The following ZNF423 variants were observed in gnomAD, a reference collection of about 807,000 sequenced individuals.
The protein encoded by ZNF423 is Ebf-associated zinc finger protein.
ZNF423 carries 12 observed loss-of-function variants against 95.8 expected under a neutral mutation model. The observed-to-expected ratio is 0.13, with a 90% confidence interval of 0.08 to 0.20. ZNF423 has a LOEUF of 0.20. Ranked by LOEUF, ZNF423 falls within the 10% of genes least tolerant of loss-of-function variation. ZNF423 has a pLI of 1.00. For missense variants in ZNF423, 1,316 were observed against 1,737.1 expected, an observed-to-expected ratio of 0.76 and a Z score of 4.31; for synonymous variants, 749 against 711.9, an observed-to-expected ratio of 1.05 and a Z score of -0.83.
At chr16:49,532,475 G>A (rs1968883871) in intron 5 of ZNF423, among the ~76,000 whole-genome samples, 1 of 152,200 alleles carries the variant, frequency 6.6e-6, no homozygotes, top group African/African-American at 2.4e-5. Context: ...ATTCTGCCCA[G>A]AAGGGACCCA....
intron 5 of ZNF423, among the ~76,000 whole-genome samples, chr16:49,540,032 A>G (rs1969194337): frequency 6.6e-6 from 1 of 152,158 alleles, no homozygotes; most frequent in Non-Finnish European, 1.5e-5. Flanking sequence ...AGGACCAGTG[A>G]GAGGGGCCAA....
intron 1 of ZNF423, among the ~76,000 whole-genome samples, chr16:49,838,712 G>C (rs565149261): frequency 1.3e-5 from 2 of 151,890 alleles, no homozygotes; most frequent in African/African-American, 2.4e-5. Flanking sequence ...CGGGCGGCCG[G>C]GGGGCGGCCC....
chr16:49,638,282 G>A lies in ZNF423; in HGVS notation c.894C>T (p.Ser298=), dbSNP rs537739203. Residue 298 remains serine (S), a synonymous_variant, in exon 4 of 8, where the codon TCC becomes TCT. Coordinates refer to ENST00000563137, the MANE Select transcript of ZNF423 (RefSeq NM_001379286.1). This position sits in a 1 kb window ranked among gnomAD's most constrained non-coding sequence, Gnocchi z 5.6. ...KHVLTRHPQL[S]EKADLQCIHC... The stretch of plus-strand genomic sequence containing the variant: ...GAATGCACTGCAGGTCCGCCTTCTC[G>A]GACAGCTGCGGGTGGCGGGTGAGCA... 5.0e-6 allele frequency: 8 copies of A among 1,613,484 alleles called. No individual in the cohort carries two copies. The highest frequency in any genetic ancestry group is 6.8e-6 in the Non-Finnish European group (8 of 1,180,040).
intron 5 of ZNF423, among the ~76,000 whole-genome samples, chr16:49,560,659 A>G (rs1969985194): frequency 6.6e-6 from 1 of 152,196 alleles, no homozygotes; most frequent in Non-Finnish European, 1.5e-5. Context: ...CCATCCAGGG[A>G]CCTTATGAAA....
chr16:49,808,342 G>A (rs2034698126), intron 1 of ZNF423, among the ~76,000 whole-genome samples: 3 of 152,184 alleles, frequency 2.0e-5, no homozygotes, highest in Admixed American at 2.0e-4. Context: ...GATTACAGAT[G>A]TGAGCCATTA....
chr16:49,775,516 C>A (rs34859239), intron 2 of ZNF423, among the ~76,000 whole-genome samples: 25,665 of 152,146 alleles, frequency 0.17, 2,232 homozygotes, highest in South Asian at 0.26. Flanking sequence ...TGCCAGGCAC[C>A]ATGCTGGACA....
At chr16:49,528,950 G>A (rs984379186) in intron 5 of ZNF423, among the ~76,000 whole-genome samples, 8 of 151,988 alleles carry the variant, frequency 5.3e-5, no homozygotes, top group Non-Finnish European at 7.4e-5. Context: ...AGGGTCCGCC[G>A]ATAGTGGCAC....
intron 2 of ZNF423, among the ~76,000 whole-genome samples, chr16:49,771,744 T>A (rs907776785): frequency 1.3e-5 from 2 of 152,200 alleles, no homozygotes; most frequent in East Asian, 1.9e-4. Context: ...TTATGAGGCC[T>A]CCCAGCCATG....
At chr16:49,717,101 C>A (rs2032730428) in intron 3 of ZNF423, among the ~76,000 whole-genome samples, 1 of 152,280 alleles carries the variant, frequency 6.6e-6, no homozygotes, top group Middle Eastern at 3.4e-3. Context: ...CAAAACATCA[C>A]TCCTTACACA....
chr16:49,523,598 G>T (rs562476353), intron 7 of ZNF423, 26 bp downstream of exon 7: 1 of 1,590,552 alleles, frequency 6.3e-7, no homozygotes, highest in Non-Finnish European at 8.6e-7. Flanking sequence ...ATCAGGCGGC[G>T]TGGTGCAGCG....
rs1367868321 is a variant in ZNF423 at position 49,769,247 on chromosome 16, C to T, written c.100+20240G>A. ...GTGGGCACCTGTAATCCCAGCTACT[C>T]GGGAGGCTGAGGCAGGAGAATCACT... On this transcript the variant is annotated intron_variant, in intron 2 of 7. Transcript: ENST00000563137. Among the ~76,000 whole-genome samples, 3 of 151,482 alleles carry T rather than the reference C, an allele frequency of 2.0e-5. No individual in the cohort carries two copies. In the East Asian group the frequency reaches 5.8e-4, roughly 30 times the overall value.
intron 5 of ZNF423, among the ~76,000 whole-genome samples, chr16:49,613,595 A>C (rs367742963): frequency 5.9e-5 from 9 of 152,176 alleles, no homozygotes; most frequent in Admixed American, 2.6e-4. Context: ...TTAGGGGGGA[A>C]GTTGGTGCTG....
intron 1 of ZNF423, among the ~76,000 whole-genome samples, chr16:49,804,960 C>T (rs1218230727): frequency 7.0e-6 from 1 of 143,488 alleles, no homozygotes; most frequent in African/African-American, 2.6e-5. Flanking sequence ...AGTGCAGTGG[C>T]CTGGTCTCGA....
At chr16:49,792,929 T>A (rs1555486533) in intron 1 of ZNF423, among the ~76,000 whole-genome samples, 1 of 152,056 alleles carries the variant, frequency 6.6e-6, no homozygotes, top group Non-Finnish European at 1.5e-5. Flanking sequence ...ATCTGGCTAA[T>A]TTTTTTATTT....
intron 5 of ZNF423, among the ~76,000 whole-genome samples, chr16:49,590,029 AATATATATAT>A (rs201361462): frequency 6.2e-5 from 6 of 97,538 alleles, no homozygotes; most frequent in South Asian, 5.4e-4. Context: ...GGAAGTGGCG[AATATATATAT>A]ATATATATAT....
At position 49,674,523 on chromosome 16, in the gene ZNF423, C is replaced by T. The variant is rs559609808; in HGVS notation, c.302-35649G>A. Among the ~76,000 whole-genome samples the T allele has an allele frequency of 2.2e-4, 33 of 152,306 alleles. 1 individual carries two copies. Among genetic ancestry groups the T allele is most frequent in the Middle Eastern group, 6.8e-3 (2 of 294 alleles). ...CACAAAACCAGTCAGGGCCAGAGCCCACATCTGACCCCAGGCAGTGTGGCC... is the reference window on the plus strand; with the variant it reads ...CACAAAACCAGTCAGGGCCAGAGCCTACATCTGACCCCAGGCAGTGTGGCC... On this transcript the variant is annotated intron_variant, in intron 3 of 7. Coordinates refer to ENST00000563137, the MANE Select transcript of ZNF423 (RefSeq NM_001379286.1).
At chr16:49,739,707 T>G (rs948045942) in intron 2 of ZNF423, among the ~76,000 whole-genome samples, 3 of 150,136 alleles carry the variant, frequency 2.0e-5, no homozygotes, top group Admixed American at 6.6e-5. Context: ...TTTTTTTTTT[T>G]TTTTTTTTGG....
intron 3 of ZNF423, among the ~76,000 whole-genome samples, chr16:49,712,585 A>G (rs1596901643): frequency 6.6e-6 from 1 of 152,184 alleles, no homozygotes; most frequent in East Asian, 1.9e-4. Flanking sequence ...CTCGCTAGGG[A>G]CCTCCTCAGA....
intron 5 of ZNF423, among the ~76,000 whole-genome samples, chr16:49,602,736 C>G (rs537713299): frequency 3.3e-5 from 5 of 152,114 alleles, no homozygotes; most frequent in African/African-American, 1.2e-4. Context: ...CAGAGAAAAC[C>G]GGCTCTTGTT....
Sources: gnomAD v4.1 joint callset for allele counts (sites outside exome capture counted in the v4.1 genomes callset) on GRCh38, gnomAD v4.1.1 for gene constraint, Gnocchi (gnomAD v3.1) non-coding constraint, MANE v1.5 for transcripts, NCBI Gene and HGNC (gene_info 2026-07-23, HGNC 2026-07-21) for gene names.